Variants in RNGTT observed in about 807,000 individuals in gnomAD.
RNGTT encodes mRNA-capping enzyme.
A neutral mutation model predicts 79.3 loss-of-function variants in RNGTT; 33 were observed. The observed-to-expected ratio is 0.42, with a 90% confidence interval of 0.32 to 0.56. The LOEUF (loss-of-function observed/expected upper bound fraction) is 0.56, where lower values mean the gene tolerates loss of function less well. Among genes scored for constraint, RNGTT ranks in the 20% least tolerant of loss-of-function variants. RNGTT has a pLI of 0.17. For missense variants in RNGTT, 497 were observed against 739.1 expected (o/e 0.67, Z 3.80); for synonymous variants, 222 against 235.9 (o/e 0.94, Z 0.54).
At chr6:88,802,392 C>G (rs935615890) in intron 11 of RNGTT, among the ~76,000 whole-genome samples, 5 of 151,940 alleles carry the variant, frequency 3.3e-5, no homozygotes, top group Non-Finnish European at 5.9e-5. Context: ...GACCCCATAC[C>G]CTCTAATTAA....
At chr6:88,724,691 C>T (rs1776826723) in intron 13 of RNGTT, among the ~76,000 whole-genome samples, 1 of 152,186 alleles carries the variant, frequency 6.6e-6, no homozygotes, top group South Asian at 2.1e-4. Flanking sequence ...GGCATGAGTT[C>T]TAAATTTCTT....
intron 14 of RNGTT, among the ~76,000 whole-genome samples, chr6:88,647,701 T>TAAAAAAAAAAAAAAAAAAAAAAAAAAAAA (rs746472579): frequency 4.1e-4 from 41 of 100,846 alleles, no homozygotes; most frequent in Admixed American, 5.2e-4. Context: ...GACACCCTGT[T>TAAAAAAAAAAAAAAAAAAAAAAAAAAAAA]AAAAAAAAAA....
At chr6:88,737,998 G>T (rs1005822699) in intron 13 of RNGTT, among the ~76,000 whole-genome samples, 1 of 152,150 alleles carries the variant, frequency 6.6e-6, no homozygotes, top group African/African-American at 2.4e-5. Flanking sequence ...CTTCCAAAGA[G>T]TACAGTATGA....
intron 14 of RNGTT, among the ~76,000 whole-genome samples, chr6:88,632,955 G>A (rs1193904615): frequency 6.6e-6 from 1 of 152,162 alleles, no homozygotes; most frequent in Non-Finnish European, 1.5e-5. Context: ...ACACTGTAAA[G>A]AGGCTGTCCT....
intron 14 of RNGTT, among the ~76,000 whole-genome samples, chr6:88,650,870 T>A (rs185030982): frequency 6.6e-6 from 1 of 152,124 alleles, no homozygotes; most frequent in Non-Finnish European, 1.5e-5. Flanking sequence ...GAGAAATACA[T>A]GACATAGTAA....
intron 4 of RNGTT, among the ~76,000 whole-genome samples, chr6:88,907,168 C>T (rs1034523463): frequency 6.6e-6 from 1 of 152,172 alleles, no homozygotes; most frequent in Admixed American, 6.5e-5. Flanking sequence ...TTTCTCAGAA[C>T]ATATTCAAGA....
intron 14 of RNGTT, among the ~76,000 whole-genome samples, chr6:88,662,381 G>T (rs1774220503): frequency 6.6e-6 from 1 of 152,190 alleles, no homozygotes. Flanking sequence ...GATGCATGTA[G>T]CTCTCAGTCA....
At chr6:88,752,846 A>G (rs1420007827) in intron 13 of RNGTT, among the ~76,000 whole-genome samples, 2 of 152,120 alleles carry the variant, frequency 1.3e-5, no homozygotes, top group Non-Finnish European at 2.9e-5. Flanking sequence ...GTATCAAAAC[A>G]TCTCATGTAC....
At position 88,689,166 on chromosome 6, in the gene RNGTT, G is replaced by A. The variant is rs1304542011; in HGVS notation, c.1440-10747C>T. Among the ~76,000 whole-genome samples, 8 of 152,268 alleles carry A rather than the reference G, an allele frequency of 5.3e-5. No homozygotes were observed. The South Asian group carries it at 1.2e-3, about 24-fold the overall frequency. Reference sequence around the variant, plus strand: ...TCTTAAGTCCATACCAATAGGCCAGGTGTGGTGGCTCACATCTATAATCCC... The same window carrying A: ...TCTTAAGTCCATACCAATAGGCCAGATGTGGTGGCTCACATCTATAATCCC... On this transcript the variant is annotated intron_variant, in intron 13 of 15. Coordinates refer to ENST00000369485, the MANE Select transcript of RNGTT (RefSeq NM_003800.5).
chr6:88,892,212 T>A (rs1179755131), intron 6 of RNGTT, among the ~76,000 whole-genome samples: 1 of 152,196 alleles, frequency 6.6e-6, no homozygotes, highest in South Asian at 2.1e-4. Context: ...ATGTCTGGCA[T>A]CTTGCAAACA....
chr6:88,928,344 C>A (rs1249603037), intron 4 of RNGTT, among the ~76,000 whole-genome samples: 1 of 152,108 alleles, frequency 6.6e-6, no homozygotes, highest in Admixed American at 6.5e-5. Context: ...ACTCAAAAGT[C>A]ATTTTCAGTA....
At chr6:88,829,898 T>C (rs1780798634) in intron 11 of RNGTT, among the ~76,000 whole-genome samples, 2 of 152,070 alleles carry the variant, frequency 1.3e-5, no homozygotes, top group African/African-American at 2.4e-5. Context: ...AGTAAGTTCT[T>C]AGAGGCCTAC....
chr6:88,887,288 C>T (rs1213819136), intron 8 of RNGTT, among the ~76,000 whole-genome samples: 1 of 152,110 alleles, frequency 6.6e-6, no homozygotes, highest in East Asian at 1.9e-4. Flanking sequence ...CCTGACATAG[C>T]TTTAACGACG....
intron 14 of RNGTT, among the ~76,000 whole-genome samples, chr6:88,676,025 G>A (rs746550879): frequency 2.6e-5 from 4 of 152,136 alleles, no homozygotes; most frequent in Admixed American, 1.3e-4. Context: ...ATCACAATCC[G>A]AACAGGCATT....
chr6:88,727,741 T>C (rs1776968883), intron 13 of RNGTT, among the ~76,000 whole-genome samples: 2 of 152,196 alleles, frequency 1.3e-5, no homozygotes, highest in African/African-American at 4.8e-5. Context: ...AAAGGAAATT[T>C]CTCAGTAAGA....
chr6:88,961,353 GTATA>G (rs574327828), intron 1 of RNGTT, among the ~76,000 whole-genome samples: 2 of 150,960 alleles, frequency 1.3e-5, no homozygotes, highest in African/African-American at 4.9e-5. Context: ...GTGTGTGTGT[GTATA>G]TATATATATG....
At chr6:88,895,155 G>A (rs1055928553) in intron 6 of RNGTT, among the ~76,000 whole-genome samples, 6 of 151,742 alleles carry the variant, frequency 4.0e-5, no homozygotes, top group Non-Finnish European at 7.4e-5. Context: ...TATCACAACA[G>A]AAATGAGTGA....
chr6:88,753,331 C>T (rs1249435574), intron 13 of RNGTT, among the ~76,000 whole-genome samples: 2 of 152,036 alleles, frequency 1.3e-5, no homozygotes, highest in Non-Finnish European at 2.9e-5. Flanking sequence ...CAGTGAGACC[C>T]TATCTCTACA....
intron 13 of RNGTT, among the ~76,000 whole-genome samples, chr6:88,708,788 G>A (rs577418378): frequency 6.6e-6 from 1 of 151,912 alleles, no homozygotes; most frequent in East Asian, 1.9e-4. Flanking sequence ...TGTTGTATAC[G>A]TTTTCCAGTA....
Sources: gnomAD v4.1 joint callset for allele counts (sites outside exome capture counted in the v4.1 genomes callset) on GRCh38, gnomAD v4.1.1 for gene constraint, MANE v1.5 for transcripts, NCBI Gene and HGNC (gene_info 2026-07-23, HGNC 2026-07-21) for gene names.